Variants in TRIM21 observed in about 807,000 individuals in gnomAD.
TRIM21 encodes E3 ubiquitin-protein ligase TRIM21.
In TRIM21, 35 loss-of-function variants were observed where a neutral mutation model predicts 36.1. That is an observed-to-expected ratio of 0.97 (90% CI 0.74 to 1.28). The LOEUF is 1.28. Among genes scored for constraint, TRIM21 ranks in the 50% most tolerant of loss-of-function variants. TRIM21 has a pLI of 0.00. For synonymous variants in TRIM21, 256 were observed against 211.5 expected, an observed-to-expected ratio of 1.21 and a Z score of -1.83; for missense variants, 635 against 570.7, an observed-to-expected ratio of 1.11 and a Z score of -1.15.
intron 4 of TRIM21, 123 bp from the exon 5 acceptor site, chr11:4,387,113 C>G: frequency 1.0e-6 from 1 of 975,342 alleles, no homozygotes; most frequent in Non-Finnish European, 1.5e-6. Flanking sequence ...TCCTCTGGTC[C>G]TAGGCCCCAG....
In TRIM21 at chr11:4,389,986, G is replaced by A. The variant is rs777092527; in HGVS notation, c.408+16C>T. 3 of 1,610,834 alleles carry A rather than the reference G, an allele frequency of 1.9e-6. No homozygotes were observed. The highest frequency in any genetic ancestry group is 1.7e-6 in the Non-Finnish European group (2 of 1,177,744). ...TCTGAAAACGAAGCACTCACCAGGT[G>A]TCTCTTAGGCCTCACCTGGTACTCC... On this transcript the variant is annotated intron_variant, in intron 2 of 6. Coordinates refer to ENST00000254436, the MANE Select transcript of TRIM21 (RefSeq NM_003141.4).
rs2094956109 is a variant in TRIM21, at chr11:4,386,163, A to G, written c.853T>C (p.Cys285Arg). Residue 285 changes from cysteine (C) to arginine (R), a missense_variant, in exon 6 of 7, where the codon TGT (cysteine) becomes CGT (arginine). Coordinates refer to ENST00000254436, the MANE Select transcript of TRIM21 (RefSeq NM_003141.4). ...AAACTAGAACTTGCCTCACCTGCAC[A>G]TGTCCTCAGCATCTTCTTCAGCCCT... is the stretch of plus-strand genomic sequence containing the variant. ...VPGLKKMLRT[C>R]AVHITLDPDT... is the part of the protein sequence containing the mutation. 6.2e-7 allele frequency: 1 copy of G among 1,613,124 alleles called. No homozygotes were observed. The highest frequency in any genetic ancestry group is 2.2e-5 in the East Asian group (1 of 44,884).
chr11:4,389,903 T>C, intron 2 of TRIM21, 99 bp downstream of exon 2: 1 of 1,532,430 alleles, frequency 6.5e-7, no homozygotes, highest in East Asian at 2.3e-5. Flanking sequence ...TGGAGAGAGG[T>C]AAACCCCTCC....
At chr11:4,392,137 T>C (rs78450139) in intron 1 of TRIM21, among the ~76,000 whole-genome samples, 198 of 152,276 alleles carry the variant, frequency 1.3e-3, no homozygotes, top group African/African-American at 4.7e-3. Flanking sequence ...CTTACCCTGA[T>C]GTGATTATTA....
chr11:4,387,847 A>C (rs1303422336), intron 4 of TRIM21, among the ~76,000 whole-genome samples: 1 of 152,134 alleles, frequency 6.6e-6, no homozygotes, highest in Non-Finnish European at 1.5e-5. Flanking sequence ...TAAATAAATA[A>C]ATAAATAAAT....
rs752005312 is a variant in TRIM21 at position 4,385,212 on chromosome 11, T to G, written c.*73A>C. ...AGAGACAAAGGTGGTTCAGAGTTCA[T>G]GGGGAAAAGAGGCAGGGTTTGTGGC... On this transcript the variant is annotated 3_prime_UTR_variant, in exon 7 of 7. Transcript: ENST00000254436. 9 of 1,434,390 alleles carry G rather than the reference T, an allele frequency of 6.3e-6. No homozygotes were observed. Among genetic ancestry groups the G allele is most frequent in the Non-Finnish European group, 8.5e-6 (9 of 1,062,864 alleles). The allele number at this position is 1,434,390 out of a possible 1,614,324, so 88.9% of individuals were successfully genotyped here.
At chr11:4,390,581 C>T (rs931667301) in intron 1 of TRIM21, 123 bp from the exon 2 acceptor site, 26 of 666,846 alleles carry the variant, frequency 3.9e-5, no homozygotes, top group Non-Finnish European at 6.3e-5. Context: ...AAAAACAATC[C>T]TAAAATTTAT....
At chr11:4,391,031 A>G (rs139553034) in intron 1 of TRIM21, among the ~76,000 whole-genome samples, 3 of 152,370 alleles carry the variant, frequency 2.0e-5, no homozygotes, top group East Asian at 3.9e-4. Flanking sequence ...ATTTCTTTCA[A>G]ATATCCCACA....
chr11:4,385,446 T>C lies in TRIM21; in HGVS notation c.1267A>G (p.Ile423Val). The C allele has an allele frequency of 6.2e-7, 1 of 1,613,250 alleles. No homozygotes were observed. The highest frequency in any genetic ancestry group is 2.2e-5 in the East Asian group (1 of 44,838). Reference sequence around the variant, plus strand: ...TAGATGAGGGAGCCATGGTCAGTGATGTTGTAGAAGGAGACCATGCCAGCC... The same window carrying C: ...TAGATGAGGGAGCCATGGTCAGTGACGTTGTAGAAGGAGACCATGCCAGCC... ...YEAGMVSFYNITDHGSLIYSF... is the reference protein window; with the variant it reads ...YEAGMVSFYNVTDHGSLIYSF... Residue 423 changes from isoleucine (I) to valine (V), a missense_variant, in exon 7 of 7, where the codon ATC (isoleucine) becomes GTC (valine). Transcript: ENST00000254436.
chr11:4,389,681 T>G lies in TRIM21; in HGVS notation c.477A>C (p.Glu159Asp), dbSNP rs1302088631. The G allele has an allele frequency of 6.2e-7, 1 of 1,613,888 alleles. No homozygotes were observed. Among genetic ancestry groups the G allele is most frequent in the South Asian group, 1.1e-5 (1 of 91,074 alleles). ...KQELAEKLEV[E>D]IAIKRADWKK... ...TCCAGTCTGCTCTCTTTATTGCAATTTCCACTTCCAACTTCTCAGCCAACT... is the reference window on the plus strand; with the variant it reads ...TCCAGTCTGCTCTCTTTATTGCAATGTCCACTTCCAACTTCTCAGCCAACT... The change falls in exon 3 of 7, where the codon GAA becomes GAC. Residue 159 changes from glutamate to aspartate, a missense_variant. Physicochemically the swap from Glu to Asp is conservative, Grantham distance 45. Coordinates refer to ENST00000254436, the MANE Select transcript of TRIM21 (RefSeq NM_003141.4).
In TRIM21 at chr11:4,385,763, C is replaced by G; in HGVS notation, c.950G>C (p.Ser317Thr). 1 of 1,613,530 alleles carries G rather than the reference C, an allele frequency of 6.2e-7. No individual in the cohort carries two copies. Among genetic ancestry groups the G allele is most frequent in the Non-Finnish European group, 8.5e-7 (1 of 1,179,742 alleles). ...AAATCTCTCTTCATTTCCAGGTATGCTCTGCTGGGTGTCTCCAAGCCTCAC... is the reference window on the plus strand; with the variant it reads ...AAATCTCTCTTCATTTCCAGGTATGGTCTGCTGGGTGTCTCCAAGCCTCAC... Reference protein sequence around the residue: ...RQVRLGDTQQSIPGNEERFDS... With the variant: ...RQVRLGDTQQTIPGNEERFDS... The change falls in exon 7 of 7, where the codon AGC becomes ACC. Residue 317 changes from serine (S) to threonine (T), a missense_variant. By Grantham distance (58) the Ser-to-Thr change is moderately conservative. Coordinates refer to ENST00000254436, the MANE Select transcript of TRIM21 (RefSeq NM_003141.4).
In TRIM21 at chr11:4,385,091, C is replaced by T. The variant is rs1360509041; in HGVS notation, c.*194G>A. 1 of 568,620 alleles carries T rather than the reference C, an allele frequency of 1.8e-6. No individual in the cohort carries two copies. Among genetic ancestry groups the T allele is most frequent in the African/African-American group, 1.9e-5 (1 of 53,276 alleles). 35.2% of individuals were successfully genotyped at this position (568,620 alleles called of 1,614,324 possible). ...TGGGCCAAATATAAGGAGGCTGCTT[C>T]ACTGGAGGGAATCACAAAGCCATCT... is the stretch of plus-strand genomic sequence containing the variant. On this transcript the variant is annotated 3_prime_UTR_variant, in exon 7 of 7. Coordinates refer to ENST00000254436, the MANE Select transcript of TRIM21 (RefSeq NM_003141.4).
At chr11:4,392,932 T>A (rs928913) in intron 1 of TRIM21, among the ~76,000 whole-genome samples, 6 of 151,916 alleles carry the variant, frequency 3.9e-5, no homozygotes, top group African/African-American at 1.5e-4. Context: ...CCAGAGATAC[T>A]TCATGCTTTG....
chr11:4,391,673 CT>C (rs2094963184), intron 1 of TRIM21, among the ~76,000 whole-genome samples: 1 of 152,196 alleles, frequency 6.6e-6, no homozygotes, highest in East Asian at 1.9e-4. Flanking sequence ...TGGAAGCAAT[CT>C]AAGAGTCCAT....
chr11:4,392,847 T>C (rs530413494), intron 1 of TRIM21, among the ~76,000 whole-genome samples: 14 of 152,270 alleles, frequency 9.2e-5, no homozygotes, highest in African/African-American at 3.1e-4. Context: ...TGCTCATCCA[T>C]CTCCTGTCGG....
rs538797691 is a variant in TRIM21, at chr11:4,385,523, G to T, written c.1190C>A (p.Pro397His). The change falls in exon 7 of 7, where the codon CCC (proline) becomes CAC (histidine). Residue 397 changes from proline to histidine, a missense_variant. By Grantham distance (77) the Pro-to-His change is moderately conservative (BLOSUM62 -2). Coordinates refer to ENST00000254436, the MANE Select transcript of TRIM21 (RefSeq NM_003141.4). ...KYEAGTYPQT[P>H]LHLQVPPCQV... ...GCATGGAGGCACCTGAAGGTGGAGG[G>T]GAGTCTGGGGGTAGGTGCCAGCCTC... 1 of 1,611,740 alleles carries T rather than the reference G, an allele frequency of 6.2e-7. No individual in the cohort carries two copies. The highest frequency in any genetic ancestry group is 8.5e-7 in the Non-Finnish European group (1 of 1,178,914).
chr11:4,392,457 C>T (rs1480183631), intron 1 of TRIM21, among the ~76,000 whole-genome samples: 5 of 151,808 alleles, frequency 3.3e-5, no homozygotes, highest in South Asian at 2.1e-4. Context: ...ATCCCAGCTA[C>T]TTGGGAGGCT....
At chr11:4,391,904 T>C (rs1215425397) in intron 1 of TRIM21, among the ~76,000 whole-genome samples, 2 of 151,992 alleles carry the variant, frequency 1.3e-5, no homozygotes, top group Non-Finnish European at 2.9e-5. Flanking sequence ...AGTTAGATAA[T>C]AGAAAGATGG....
At chr11:4,387,808 G>A (rs1224393255) in intron 4 of TRIM21, among the ~76,000 whole-genome samples, 2 of 151,532 alleles carry the variant, frequency 1.3e-5, no homozygotes, top group African/African-American at 4.9e-5. Context: ...TCCAGCCTGG[G>A]CAACAAGAGT....
Sources: allele counts gnomAD v4.1 joint callset (sites outside exome capture counted in the v4.1 genomes callset), GRCh38; gene constraint gnomAD v4.1.1; transcripts MANE v1.5; gene names NCBI Gene and HGNC (gene_info 2026-07-23, HGNC 2026-07-21).